MTUS2: variants seen among roughly 807,000 people sequenced by gnomAD.
MTUS2 encodes microtubule-associated tumor suppressor candidate 2.
Under a neutral mutation model 114.1 loss-of-function variants are expected in MTUS2, and 40 were observed. The ratio of observed to expected loss-of-function variants is 0.35; its 90% CI spans 0.27 to 0.46. MTUS2 has a LOEUF of 0.46. Ranked by LOEUF, MTUS2 falls within the 20% of genes least tolerant of loss-of-function variation. MTUS2 has a pLI of 1.00. For synonymous variants in MTUS2, 688 were observed against 672.0 expected, an observed-to-expected ratio of 1.02 and a Z score of -0.37; for missense variants, 1,679 against 1,705.4, an observed-to-expected ratio of 0.98 and a Z score of 0.27.
At chr13:28,851,262 C>T (rs1206305368) in intron 2 of MTUS2, among the ~76,000 whole-genome samples, 1 of 152,200 alleles carries the variant, frequency 6.6e-6, no homozygotes, top group Non-Finnish European at 1.5e-5. Context: ...AATTCAAATG[C>T]AGGCCTGGTG....
chr13:28,889,038 G>A (rs978724774), intron 2 of MTUS2, among the ~76,000 whole-genome samples: 3 of 152,170 alleles, frequency 2.0e-5, no homozygotes, highest in African/African-American at 7.2e-5. Context: ...CGACAACCAA[G>A]TATCTACTTG....
chr13:29,424,793 C>T (rs1049251122), intron 8 of MTUS2, among the ~76,000 whole-genome samples: 7 of 151,858 alleles, frequency 4.6e-5, no homozygotes, highest in Non-Finnish European at 8.8e-5. Context: ...TTCTACAGGG[C>T]GGCTGACCCA....
chr13:28,939,970 A>G (rs988951707), intron 2 of MTUS2, among the ~76,000 whole-genome samples: 3 of 152,128 alleles, frequency 2.0e-5, no homozygotes, highest in Non-Finnish European at 4.4e-5. Context: ...TTATAAAACC[A>G]TCAGATCTCA....
chr13:29,251,602 C>A (rs967908886), intron 5 of MTUS2, among the ~76,000 whole-genome samples: 4 of 152,174 alleles, frequency 2.6e-5, no homozygotes, highest in Non-Finnish European at 5.9e-5. Flanking sequence ...CTTCTGGCAA[C>A]CGCCATTCTA....
In MTUS2 at chr13:29,359,398, T is replaced by G. The variant is rs1870040567; in HGVS notation, c.3042T>G (p.Val1014=). 6.2e-7 allele frequency: 1 copy of G among 1,613,712 alleles called. No homozygotes were observed. Among genetic ancestry groups the G allele is most frequent in the Non-Finnish European group, 8.5e-7 (1 of 1,179,802 alleles). The change falls in exon 8 of 16, where the codon GTT becomes GTG. Residue 1014 remains valine, a synonymous_variant. Transcript: ENST00000612955. ...RCEQQTRQLG[V]AQGELKRAIC... ...AGCAGCAGACCAGACAGCTGGGCGTTGCGCAAGGGGAGCTGAAGAGGGCCA... is the reference window on the plus strand; with the variant it reads ...AGCAGCAGACCAGACAGCTGGGCGTGGCGCAAGGGGAGCTGAAGAGGGCCA...
intron 2 of MTUS2, among the ~76,000 whole-genome samples, chr13:28,845,827 T>G (rs1875840801): frequency 6.6e-6 from 1 of 151,914 alleles, no homozygotes; most frequent in South Asian, 2.1e-4. Flanking sequence ...TGTTACAGTT[T>G]CCTTACCTTA....
At chr13:28,880,761 C>G (rs1381852435) in intron 2 of MTUS2, among the ~76,000 whole-genome samples, 2 of 152,072 alleles carry the variant, frequency 1.3e-5, no homozygotes, top group African/African-American at 4.8e-5. Flanking sequence ...TAGTAGGTTT[C>G]AGCTATTCCT....
In MTUS2 at chr13:29,503,517, C is replaced by G. The variant is rs897545308; in HGVS notation, c.*311C>G. On this transcript the variant is annotated 3_prime_UTR_variant, in exon 16 of 16. Transcript: ENST00000612955. The stretch of plus-strand genomic sequence containing the variant: ...GGTTAGTTACAAAAAGCTCAGTTTT[C>G]AATATACATTGAATAATCATTGTGT... 1 of 510,576 alleles carries G rather than the reference C, an allele frequency of 2.0e-6. No individual in the cohort carries two copies. Among genetic ancestry groups the G allele is most frequent in the African/African-American group, 1.9e-5 (1 of 52,624 alleles). 31.6% of individuals were successfully genotyped at this position (510,576 alleles called of 1,614,324 possible). A position where few individuals can be genotyped will look rare whatever the true frequency, so the allele number is the denominator to read the frequency against.
Position 28,893,335 on chromosome 13 carries a change from G to T in MTUS2, c.-243+53485G>T, listed in dbSNP as rs375298435. ...AGGGAAAGTAGTTCTGGCACATGGT[G>T]CTTTGACGAGATCATTAAGGATTCA... On this transcript the variant is annotated intron_variant, in intron 2 of 15. Transcript: ENST00000612955. 8.6e-5 allele frequency among the ~76,000 whole-genome samples: 13 copies of T among 152,018 alleles called. No homozygotes were observed. The East Asian group carries it at 1.2e-3, about 14-fold the overall frequency.
chr13:29,492,665 G>T lies in MTUS2; in HGVS notation c.3525G>T (p.Glu1175Asp). The T allele has an allele frequency of 6.2e-7, 1 of 1,613,656 alleles. No individual in the cohort carries two copies. Among genetic ancestry groups the T allele is most frequent in the East Asian group, 2.2e-5 (1 of 44,870 alleles). Residue 1175 changes from glutamate to aspartate, a missense_variant, in exon 12 of 16, where the codon GAG becomes GAT. Transcript: ENST00000612955. ...TTCCAGAATTGATGTCCACTCATGA[G>T]CTTGAAAAGAAAGAATTGGAAGAAA... ...HKVQELMSTH[E>D]LEKKELEENF...
intron 2 of MTUS2, among the ~76,000 whole-genome samples, chr13:28,927,350 C>T (rs1331278959): frequency 1.3e-5 from 2 of 151,842 alleles, no homozygotes; most frequent in Non-Finnish European, 2.9e-5. Context: ...CATTTGAGGT[C>T]AGGAGTTTGA....
At chr13:29,430,379 A>G (rs917317552) in intron 8 of MTUS2, among the ~76,000 whole-genome samples, 6 of 152,114 alleles carry the variant, frequency 3.9e-5, no homozygotes, top group East Asian at 1.9e-4. Flanking sequence ...GATTATCCCT[A>G]TGTCATTCTT....
chr13:29,307,663 G>A (rs12868888), intron 6 of MTUS2: 444,564 of 1,115,666 alleles, frequency 0.4, 93,584 homozygotes, highest in Middle Eastern at 0.45. Flanking sequence ...TTCCACCTTC[G>A]ACGCTGGGGC....
chr13:29,009,462 G>A (rs904595121), intron 2 of MTUS2, among the ~76,000 whole-genome samples: 2 of 151,924 alleles, frequency 1.3e-5, no homozygotes, highest in African/African-American at 4.8e-5. Context: ...AATGAAAGAA[G>A]CCAGACTTGA....
chr13:29,283,208 C>T (rs549454317), intron 6 of MTUS2, among the ~76,000 whole-genome samples: 38 of 152,302 alleles, frequency 2.5e-4, no homozygotes, highest in African/African-American at 9.1e-4. Flanking sequence ...TCTCCCTGAC[C>T]ACTAGACTAG....
chr13:28,841,686 G>A (rs370977806), intron 2 of MTUS2, among the ~76,000 whole-genome samples: 14 of 149,200 alleles, frequency 9.4e-5, no homozygotes, highest in African/African-American at 3.2e-4. Flanking sequence ...GTTTTTTTTT[G>A]TTTTTTTGTT....
intron 4 of MTUS2, among the ~76,000 whole-genome samples, chr13:29,065,095 C>CTTT (rs1888605057): frequency 1.3e-5 from 2 of 152,320 alleles, no homozygotes; most frequent in Non-Finnish European, 2.9e-5. Flanking sequence ...CATATGCATG[C>CTTT]ATGTGTCTTT....
At chr13:28,996,748 C>T (rs1403550498) in intron 2 of MTUS2, among the ~76,000 whole-genome samples, 1 of 152,028 alleles carries the variant, frequency 6.6e-6, no homozygotes, top group Non-Finnish European at 1.5e-5. Flanking sequence ...GATGATATCC[C>T]CTTTGTCATT....
intron 9 of MTUS2, among the ~76,000 whole-genome samples, chr13:29,449,024 G>C (rs1015144262): frequency 6.6e-6 from 1 of 152,050 alleles, no homozygotes; most frequent in African/African-American, 2.4e-5. Context: ...AAAGTGTTGG[G>C]ATTACAGGCA....
Sources: allele counts gnomAD v4.1 joint callset (sites outside exome capture counted in the v4.1 genomes callset), GRCh38; gene constraint gnomAD v4.1.1; transcripts MANE v1.5; gene names NCBI Gene and HGNC (gene_info 2026-07-23, HGNC 2026-07-21).